Variants in CACHD1 observed in about 807,000 individuals in gnomAD.
The protein encoded by CACHD1 is VWFA and cache domain-containing protein 1.
Under a neutral mutation model 138.7 loss-of-function variants are expected in CACHD1, and 71 were observed. The observed-to-expected ratio is 0.51, with a 90% CI of 0.42 to 0.62. CACHD1 has a LOEUF of 0.62. Among genes scored for constraint, CACHD1 ranks in the 20% least tolerant of loss-of-function variants. CACHD1 has a pLI of 0.00. For missense variants in CACHD1, 1,389 were observed against 1,625.3 expected (o/e 0.85, Z 2.50); for synonymous variants, 578 against 591.5 (o/e 0.98, Z 0.33).
chr1:64,567,629 T>G (rs12061720), intron 2 of CACHD1, among the ~76,000 whole-genome samples: 4,864 of 152,218 alleles, frequency 0.032, 119 homozygotes, highest in South Asian at 0.11. Flanking sequence ...AGGATTGGGA[T>G]TTTAGCCAAA....
chr1:64,624,511 AG>A (rs1648031457), intron 4 of CACHD1, among the ~76,000 whole-genome samples: 1 of 152,188 alleles, frequency 6.6e-6, no homozygotes, highest in Non-Finnish European at 1.5e-5. Context: ...TGTGAGATCA[AG>A]GTTAAAGCTT....
intron 1 of CACHD1, among the ~76,000 whole-genome samples, chr1:64,508,578 C>A (rs1646394907): frequency 6.6e-6 from 1 of 152,208 alleles, no homozygotes; most frequent in African/African-American, 2.4e-5. Context: ...CCAGGCAAAG[C>A]ACATATGAGT....
At position 64,556,768 on chromosome 1, in the gene CACHD1, A is replaced by C. The variant is rs1278214707; in HGVS notation, c.261+6112A>C. On this transcript the variant is annotated intron_variant, in intron 2 of 26. Transcript: ENST00000651257. Reference sequence around the variant, plus strand: ...AATCCTTAATTAGTTCACTATATGTAGTTTTGCTGCCAAAGAAACTATGGC... The same window carrying C: ...AATCCTTAATTAGTTCACTATATGTCGTTTTGCTGCCAAAGAAACTATGGC... 2.0e-5 allele frequency among the ~76,000 whole-genome samples: 3 copies of C among 152,212 alleles called. No individual in the cohort carries two copies. In the East Asian group the frequency reaches 5.8e-4, roughly 29 times the overall value.
Position 64,691,358 on chromosome 1 carries a change from A to T in CACHD1, c.3622A>T (p.Asn1208Tyr). The T allele has an allele frequency of 6.2e-7, 1 of 1,614,004 alleles. No homozygotes were observed. The highest frequency in any genetic ancestry group is 1.6e-4 in the Middle Eastern group (1 of 6,062). The change falls in exon 27 of 27, where the codon AAT becomes TAT. Residue 1208 changes from asparagine (N) to tyrosine (Y), a missense_variant. By Grantham distance (143) the Asn-to-Tyr change is moderately radical. Transcript: ENST00000651257. ...STMSPQEDSE[N>Y]PPCNNDPLSA... is the part of the protein sequence containing the mutation. ...CATGAGCCCACAGGAGGACAGTGAAAATCCTCCATGCAACAATGACCCCTT... is the reference window on the plus strand; with the variant it reads ...CATGAGCCCACAGGAGGACAGTGAATATCCTCCATGCAACAATGACCCCTT...
chr1:64,500,734 A>AAAAG (rs1646334067), intron 1 of CACHD1, among the ~76,000 whole-genome samples: 1 of 26,458 alleles, frequency 3.8e-5, no homozygotes, highest in Non-Finnish European at 1.1e-4. Context: ...AAAAAAAAAA[A>AAAAG]AGAGAGAGAG....
At position 64,470,377 on chromosome 1, in the gene CACHD1, G is replaced by GGGCTCC. The variant is rs1157801691; in HGVS notation, c.-366_-361dup. 6.6e-6 allele frequency among the ~76,000 whole-genome samples: 1 copy of GGGCTCC among 151,666 alleles called. No homozygotes were observed. The highest frequency in any genetic ancestry group is 1.5e-5 in the Non-Finnish European group (1 of 67,870). On this transcript the variant is annotated 5_prime_UTR_variant, in exon 1 of 27. Transcript: ENST00000651257. The surrounding 1 kb of genome is among the most constrained non-coding windows in gnomAD (Gnocchi z 5.2). Reference sequence around the variant, plus strand: ...AAGCGAGAGCCGCGCGGCTCGGCTCGGGCTCCGACTCCGACTCCGATTCCG... The same window carrying GGGCTCC: ...AAGCGAGAGCCGCGCGGCTCGGCTCGGGCTCCGGCTCCGACTCCGACTCCGATTCCG...
At chr1:64,606,851 G>C (rs1030998055) in intron 4 of CACHD1, among the ~76,000 whole-genome samples, 7 of 152,162 alleles carry the variant, frequency 4.6e-5, no homozygotes, top group Admixed American at 1.3e-4. Flanking sequence ...GAGAGTAAGA[G>C]AGGAGTCCAG....
intron 1 of CACHD1, among the ~76,000 whole-genome samples, chr1:64,493,663 T>C (rs969822608): frequency 2.0e-5 from 3 of 152,176 alleles, no homozygotes; most frequent in South Asian, 4.1e-4. Flanking sequence ...GGCAGCCTCA[T>C]TGGACAGTTT....
At position 64,652,201 on chromosome 1, in the gene CACHD1, C is replaced by A; in HGVS notation, c.1431C>A (p.Asn477Lys). The A allele has an allele frequency of 1.9e-6, 3 of 1,613,284 alleles. No individual in the cohort carries two copies. The highest frequency in any genetic ancestry group is 2.5e-6 in the Non-Finnish European group (3 of 1,179,700). Residue 477 changes from asparagine to lysine, a missense_variant, in exon 10 of 27, where the codon AAC becomes AAA. Transcript: ENST00000651257. ...TGAGTAAACCCTGTTATTTTGGAAA[C>A]CTACTTCTGGGAATTGTAGGTGTGG... ...MTVSKPCYFG[N>K]LLLGIVGVDV...
At chr1:64,624,871 T>C (rs975247003) in intron 4 of CACHD1, among the ~76,000 whole-genome samples, 2 of 152,232 alleles carry the variant, frequency 1.3e-5, no homozygotes, top group African/African-American at 4.8e-5. Flanking sequence ...GGAAATGCTT[T>C]AAGTCCTATG....
intron 7 of CACHD1, among the ~76,000 whole-genome samples, chr1:64,638,686 C>T (rs561091355): frequency 3.9e-5 from 6 of 152,202 alleles, no homozygotes; most frequent in East Asian, 3.9e-4. Flanking sequence ...CCAAGACATG[C>T]CTGGTGGCTT....
At chr1:64,610,927 T>G (rs1647509550) in intron 4 of CACHD1, among the ~76,000 whole-genome samples, 1 of 152,188 alleles carries the variant, frequency 6.6e-6, no homozygotes. Context: ...GGTGTTTCCA[T>G]ACATCCTCTG....
At chr1:64,550,764 C>G in intron 2 of CACHD1, 108 bp downstream of exon 2, 1 of 714,732 alleles carries the variant, frequency 1.4e-6, no homozygotes, top group Non-Finnish European at 2.4e-6. Flanking sequence ...TTCTTTCTCT[C>G]TGTATAATTT....
chr1:64,508,338 T>C (rs1362474659), intron 1 of CACHD1, among the ~76,000 whole-genome samples: 3 of 152,218 alleles, frequency 2.0e-5, no homozygotes, highest in Non-Finnish European at 4.4e-5. Context: ...TACATGAGAA[T>C]GCCTGGAGAG....
chr1:64,618,170 G>A (rs1046818893), intron 4 of CACHD1, among the ~76,000 whole-genome samples: 40 of 151,202 alleles, frequency 2.6e-4, no homozygotes, highest in African/African-American at 9.5e-4. Context: ...AGCAATAACA[G>A]TGGATAATAA....
intron 1 of CACHD1, among the ~76,000 whole-genome samples, chr1:64,545,573 T>C (rs1327246335): frequency 1.3e-5 from 2 of 152,268 alleles, no homozygotes; most frequent in Admixed American, 6.5e-5. Flanking sequence ...TATTCTGTTA[T>C]GCGAATTCAC....
At chr1:64,604,766 C>T (rs1647286463) in intron 4 of CACHD1, among the ~76,000 whole-genome samples, 1 of 151,784 alleles carries the variant, frequency 6.6e-6, no homozygotes, top group Non-Finnish European at 1.5e-5. Flanking sequence ...AATTCTCCTG[C>T]CTCAGCCTCC....
chr1:64,578,388 T>C (rs1646986068), intron 2 of CACHD1, among the ~76,000 whole-genome samples: 1 of 152,216 alleles, frequency 6.6e-6, no homozygotes. Flanking sequence ...ATTTTGATGA[T>C]TTAGATGCAG....
chr1:64,501,819 A>G (rs1646342086), intron 1 of CACHD1, among the ~76,000 whole-genome samples: 2 of 152,248 alleles, frequency 1.3e-5, no homozygotes, highest in South Asian at 4.1e-4. Context: ...CACTTTGAAT[A>G]AAACACAGTT....
Sources: gnomAD v4.1 joint callset for allele counts (sites outside exome capture counted in the v4.1 genomes callset) on GRCh38, gnomAD v4.1.1 for gene constraint, Gnocchi (gnomAD v3.1) non-coding constraint, MANE v1.5 for transcripts, NCBI Gene and HGNC (gene_info 2026-07-23, HGNC 2026-07-21) for gene names.